The following EPB41L5 variants were observed in gnomAD, a reference collection of about 807,000 sequenced individuals.
EPB41L5 encodes band 4.1-like protein 5.
EPB41L5 carries 55 observed loss-of-function variants against 106.6 expected under a neutral mutation model. That is an observed-to-expected ratio of 0.52 (90% CI 0.42 to 0.65). The LOEUF (loss-of-function observed/expected upper bound fraction) is 0.65, where lower values mean the gene tolerates loss of function less well. Ranked by LOEUF, EPB41L5 falls within the 30% of genes least tolerant of loss-of-function variation. EPB41L5 has a pLI of 0.00. For synonymous variants in EPB41L5, 297 were observed against 306.7 expected (o/e 0.97, Z 0.33); for missense variants, 871 against 882.1 (o/e 0.99, Z 0.16).
intron 24 of EPB41L5, among the ~76,000 whole-genome samples, chr2:120,173,779 C>T (rs1455561891): frequency 6.6e-6 from 1 of 152,150 alleles, no homozygotes; most frequent in Non-Finnish European, 1.5e-5. Context: ...AATTCCTGGG[C>T]TAAAACAACC....
rs536991784 is a variant in EPB41L5 at position 120,140,260 on chromosome 2, C to T, written c.1600-2743C>T. Among the ~76,000 whole-genome samples the T allele has an allele frequency of 5.7e-4, 87 of 152,034 alleles. No individual in the cohort carries two copies. The South Asian group carries it at 0.017, about 30-fold the overall frequency. On this transcript the variant is annotated intron_variant, in intron 18 of 24. Transcript: ENST00000263713. ...ATTTGATAGCATAACAGGGTGACTA[C>T]AGTCAATAACTTACTGTACATTTAA...
intron 2 of EPB41L5, among the ~76,000 whole-genome samples, chr2:120,032,404 A>G (rs752472404): frequency 6.6e-6 from 1 of 152,144 alleles, no homozygotes; most frequent in Non-Finnish European, 1.5e-5. Context: ...AGCTGAAATG[A>G]TAGAGGAAAT....
chr2:120,016,200 C>T lies in EPB41L5; in HGVS notation c.-8-2877C>T, dbSNP rs374268217. On this transcript the variant is annotated intron_variant, in intron 1 of 24. Transcript: ENST00000263713. ...ATCCTAGCACTTTGGGAGGCCGAGG[C>T]GGGCGGATCACCTGAGGTCAGAAGT... Among the ~76,000 whole-genome samples, 629 of 152,188 alleles carry T rather than the reference C, an allele frequency of 4.1e-3. 4 individuals carry two copies. The highest frequency in any genetic ancestry group is 0.013 in the African/African-American group (553 of 41,526).
At chr2:120,172,533 G>A (rs1687722657) in intron 24 of EPB41L5, among the ~76,000 whole-genome samples, 1 of 152,158 alleles carries the variant, frequency 6.6e-6, no homozygotes. Context: ...AACTATCAGT[G>A]AATTCCCAAA....
intron 22 of EPB41L5, among the ~76,000 whole-genome samples, chr2:120,165,511 A>T (rs921783319): frequency 6.6e-6 from 1 of 152,228 alleles, no homozygotes; most frequent in Non-Finnish European, 1.5e-5. Flanking sequence ...TTAGGAAATA[A>T]TGACAAGAAT....
At chr2:120,157,327 C>G (rs916677321) in intron 20 of EPB41L5, among the ~76,000 whole-genome samples, 2 of 151,700 alleles carry the variant, frequency 1.3e-5, no homozygotes, top group African/African-American at 4.8e-5. Flanking sequence ...ATGCCCACAT[C>G]AAAAAGTTAG....
chr2:120,058,875 C>G (rs982088769), intron 3 of EPB41L5, among the ~76,000 whole-genome samples: 1 of 152,156 alleles, frequency 6.6e-6, no homozygotes, highest in African/African-American at 2.4e-5. Context: ...GATACCAGTT[C>G]TCCCCAAATT....
chr2:120,098,567 T>G (rs1036088435), intron 14 of EPB41L5, among the ~76,000 whole-genome samples: 2 of 152,140 alleles, frequency 1.3e-5, no homozygotes, highest in African/African-American at 2.4e-5. Context: ...GTTATTTGTA[T>G]TTTGCTAATA....
At chr2:120,056,847 GT>G (rs1267666635) in intron 3 of EPB41L5, among the ~76,000 whole-genome samples, 1 of 151,996 alleles carries the variant, frequency 6.6e-6, no homozygotes, top group Non-Finnish European at 1.5e-5. Context: ...TTTGTGAGAA[GT>G]TTTTGATTAT....
intron 24 of EPB41L5, among the ~76,000 whole-genome samples, chr2:120,173,133 GAAAAT>G (rs1687759665): frequency 6.6e-6 from 1 of 152,100 alleles, no homozygotes; most frequent in African/African-American, 2.4e-5. Flanking sequence ...TCAGTCCAGG[GAAAAT>G]AAAAGTTACA....
At chr2:120,024,779 T>C (rs1329426058) in intron 2 of EPB41L5, among the ~76,000 whole-genome samples, 1 of 152,100 alleles carries the variant, frequency 6.6e-6, no homozygotes, top group African/African-American at 2.4e-5. Flanking sequence ...TTTTTGTCAT[T>C]GGTTCTGTTT....
chr2:120,082,061 A>G (rs941111493), intron 10 of EPB41L5, among the ~76,000 whole-genome samples: 1 of 152,144 alleles, frequency 6.6e-6, no homozygotes, highest in Admixed American at 6.5e-5. Flanking sequence ...GTGAACAGGG[A>G]CAGTTTGACT....
intron 10 of EPB41L5, among the ~76,000 whole-genome samples, chr2:120,079,726 C>A (rs1364423107): frequency 6.6e-6 from 1 of 152,104 alleles, no homozygotes; most frequent in Admixed American, 6.6e-5. Context: ...TCTCACATAC[C>A]CCACACATCC....
intron 14 of EPB41L5, among the ~76,000 whole-genome samples, chr2:120,098,531 G>A (rs942142974): frequency 2.6e-5 from 4 of 151,900 alleles, no homozygotes; most frequent in South Asian, 2.1e-4. Context: ...TTCTTTGAAA[G>A]GTATTTTGTT....
chr2:120,124,546 A>G (rs750488998), intron 16 of EPB41L5, among the ~76,000 whole-genome samples: 3 of 152,126 alleles, frequency 2.0e-5, no homozygotes, highest in East Asian at 1.9e-4. Flanking sequence ...CTTCATTCCT[A>G]TGTACTTTTG....
intron 16 of EPB41L5, among the ~76,000 whole-genome samples, chr2:120,102,663 T>G (rs939699048): frequency 2.0e-5 from 3 of 152,202 alleles, no homozygotes; most frequent in Non-Finnish European, 4.4e-5. Context: ...ATTCTATTGC[T>G]TGCAGGTAAC....
At chr2:120,021,143 C>G (rs961324612) in intron 2 of EPB41L5, among the ~76,000 whole-genome samples, 16 of 151,852 alleles carry the variant, frequency 1.1e-4, no homozygotes, top group African/African-American at 3.9e-4. Flanking sequence ...GAGTTCGAGA[C>G]CAGCCTGGCC....
chr2:120,112,608 G>T (rs1472408292), intron 16 of EPB41L5, among the ~76,000 whole-genome samples: 1 of 152,192 alleles, frequency 6.6e-6, no homozygotes, highest in East Asian at 1.9e-4. Context: ...AAACAGAAAG[G>T]AGCTTTGAAT....
intron 18 of EPB41L5, among the ~76,000 whole-genome samples, chr2:120,139,129 A>C (rs1686063454): frequency 1.3e-5 from 2 of 152,128 alleles, no homozygotes; most frequent in African/African-American, 4.8e-5. Flanking sequence ...GGATTTCCAT[A>C]TGCAGAAGAA....
Sources: allele counts gnomAD v4.1 joint callset (sites outside exome capture counted in the v4.1 genomes callset), GRCh38; gene constraint gnomAD v4.1.1; transcripts MANE v1.5; gene names NCBI Gene and HGNC (gene_info 2026-07-23, HGNC 2026-07-21).